Variants in TMEM108 observed in about 807,000 individuals in gnomAD.
TMEM108 encodes transmembrane protein 108.
TMEM108 carries 12 observed loss-of-function variants against 35.1 expected under a neutral mutation model. The ratio of observed to expected loss-of-function variants is 0.34; its 90% CI spans 0.22 to 0.55. The LOEUF (loss-of-function observed/expected upper bound fraction) is 0.55. Ranked by LOEUF, TMEM108 falls within the 20% of genes least tolerant of loss-of-function variation. TMEM108 has a pLI of 0.89. For synonymous variants in TMEM108, 287 were observed against 308.6 expected (o/e 0.93, Z 0.73); for missense variants, 680 against 753.3 (o/e 0.90, Z 1.14).
chr3:133,238,107 C>A (rs1471536161), intron 3 of TMEM108, among the ~76,000 whole-genome samples: 1 of 144,980 alleles, frequency 6.9e-6, no homozygotes, highest in East Asian at 1.9e-4. Flanking sequence ...CCTTTCATAT[C>A]CCTCCTCCCT....
intron 2 of TMEM108, among the ~76,000 whole-genome samples, chr3:133,144,888 T>C (rs1469813296): frequency 2.6e-5 from 4 of 152,208 alleles, no homozygotes; most frequent in Non-Finnish European, 5.9e-5. Flanking sequence ...ATGGATAGAT[T>C]GCAAAAATTT....
At chr3:133,219,333 G>A (rs1002704665) in intron 2 of TMEM108, among the ~76,000 whole-genome samples, 1 of 151,702 alleles carries the variant, frequency 6.6e-6, no homozygotes, top group African/African-American at 2.4e-5. Flanking sequence ...TTGTTTATAT[G>A]GTCTCTCTGT....
chr3:133,313,995 A>G (rs1225662366), intron 3 of TMEM108, among the ~76,000 whole-genome samples: 2 of 152,150 alleles, frequency 1.3e-5, no homozygotes, highest in Admixed American at 6.5e-5. Flanking sequence ...CTTATCCGCT[A>G]TAATCTAGTA....
chr3:133,198,188 T>G (rs1392113015), intron 2 of TMEM108, among the ~76,000 whole-genome samples: 3 of 152,174 alleles, frequency 2.0e-5, no homozygotes, highest in African/African-American at 4.8e-5. Context: ...TATAACTTGT[T>G]TTTATCACCT....
At chr3:133,308,739 G>A (rs55872411) in intron 3 of TMEM108, among the ~76,000 whole-genome samples, 48,926 of 152,030 alleles carry the variant, frequency 0.32, 8,593 homozygotes, top group East Asian at 0.48. Flanking sequence ...TAAGCTTTTC[G>A]ATGTGCTGCT....
chr3:133,280,221 A>G (rs1946893868), intron 3 of TMEM108, among the ~76,000 whole-genome samples: 1 of 152,306 alleles, frequency 6.6e-6, no homozygotes, highest in South Asian at 2.1e-4. Context: ...AAAAATCAGG[A>G]AAGTCAACAT....
chr3:133,211,376 A>G (rs917735888), intron 2 of TMEM108, among the ~76,000 whole-genome samples: 1 of 152,222 alleles, frequency 6.6e-6, no homozygotes. Context: ...TTTTTCAGGC[A>G]TTGCAAAAGA....
intron 3 of TMEM108, among the ~76,000 whole-genome samples, chr3:133,363,810 G>C (rs2072426958): frequency 6.6e-6 from 1 of 152,072 alleles, no homozygotes; most frequent in Non-Finnish European, 1.5e-5. Context: ...AATTAAAGTG[G>C]AAAATTAATA....
intron 2 of TMEM108, among the ~76,000 whole-genome samples, chr3:133,067,756 G>A (rs1378174539): frequency 1.3e-5 from 2 of 152,164 alleles, no homozygotes; most frequent in Admixed American, 6.5e-5. Context: ...GGGAACATCA[G>A]GTGCTGAGAT....
At chr3:133,267,631 G>T (rs1219014556) in intron 3 of TMEM108, among the ~76,000 whole-genome samples, 1 of 152,218 alleles carries the variant, frequency 6.6e-6, no homozygotes, top group African/African-American at 2.4e-5. Context: ...TGGCTTAACT[G>T]GAGATTCTAA....
At chr3:133,351,146 TGAGG>T (rs2071984233) in intron 3 of TMEM108, among the ~76,000 whole-genome samples, 1 of 152,210 alleles carries the variant, frequency 6.6e-6, no homozygotes, top group Non-Finnish European at 1.5e-5. Context: ...TGCTTGCCTA[TGAGG>T]ACTGGCCTTT....
Position 133,381,203 on chromosome 3 carries a change from A to G in TMEM108, c.1450+42A>G, listed in dbSNP as rs762395500. 23 of 1,529,350 alleles carry G rather than the reference A, an allele frequency of 1.5e-5. No individual in the cohort carries two copies. The Admixed American group carries it at 4.3e-4, about 29-fold the overall frequency. 94.7% of individuals were successfully genotyped at this position (1,529,350 alleles called of 1,614,324 possible). A position where few individuals can be genotyped will look rare whatever the true frequency, so the allele number is the denominator to read the frequency against. ...CCCACCCATCCTCTCCCTCTACCAC[A>G]TCACTGGCTCAACCCCAGCATTCCT... On this transcript the variant is annotated intron_variant, in intron 4 of 5. Transcript: ENST00000321871.
intron 2 of TMEM108, among the ~76,000 whole-genome samples, chr3:133,166,750 A>G (rs1945044659): frequency 6.6e-6 from 1 of 152,192 alleles, no homozygotes; most frequent in African/African-American, 2.4e-5. Context: ...TACAGACCCA[A>G]AGAGTGAGCA....
chr3:133,236,435 G>A (rs533791508), intron 3 of TMEM108, among the ~76,000 whole-genome samples: 1 of 152,182 alleles, frequency 6.6e-6, no homozygotes, highest in South Asian at 2.1e-4. Flanking sequence ...GGGGCATGGA[G>A]ATCATGTCTC....
chr3:133,223,545 T>TA (rs1165275417), intron 2 of TMEM108, among the ~76,000 whole-genome samples: 1 of 152,232 alleles, frequency 6.6e-6, no homozygotes, highest in Non-Finnish European at 1.5e-5. Flanking sequence ...GTTATCCTCG[T>TA]AAATTATTCT....
chr3:133,244,078 G>A (rs181026308), intron 3 of TMEM108, among the ~76,000 whole-genome samples: 1 of 152,224 alleles, frequency 6.6e-6, no homozygotes, highest in East Asian at 1.9e-4. Context: ...GTCTTCATCG[G>A]GTGACAGAGT....
intron 2 of TMEM108, among the ~76,000 whole-genome samples, chr3:133,187,896 AAAAAAGAC>A (rs1945444221): frequency 6.6e-6 from 1 of 151,866 alleles, no homozygotes. Flanking sequence ...AAAAAAAAAA[AAAAAAGAC>A]AGGAACAAAT....
chr3:133,382,837 A>C (rs111338654), intron 4 of TMEM108, among the ~76,000 whole-genome samples: 4,022 of 152,284 alleles, frequency 0.026, 162 homozygotes, highest in African/African-American at 0.091. Flanking sequence ...GATTCTTTTC[A>C]GGAGCCGCCT....
chr3:133,063,037 C>T (rs1446718647), intron 2 of TMEM108, among the ~76,000 whole-genome samples: 18 of 152,020 alleles, frequency 1.2e-4, no homozygotes, highest in East Asian at 1.9e-4. Context: ...GCTGTAGTAT[C>T]CAATGGGTTG....
Sources: gnomAD v4.1 joint callset for allele counts (sites outside exome capture counted in the v4.1 genomes callset) on GRCh38, gnomAD v4.1.1 for gene constraint, MANE v1.5 for transcripts, NCBI Gene and HGNC (gene_info 2026-07-23, HGNC 2026-07-21) for gene names.